MAP3K5: variants seen among roughly 807,000 people sequenced by gnomAD.
MAP3K5 encodes ASK-1.
MAP3K5 carries 56 observed loss-of-function variants against 158.7 expected under a neutral mutation model. That is an observed-to-expected ratio of 0.35 (90% CI 0.28 to 0.44). MAP3K5 has a LOEUF of 0.44. Among genes scored for constraint, MAP3K5 ranks in the 20% least tolerant of loss-of-function variants. The probability of loss-of-function intolerance (pLI) is 1.00; values close to 1 mark genes in which losing one functional copy is unlikely to be tolerated. For synonymous variants in MAP3K5, 579 were observed against 601.7 expected, an observed-to-expected ratio of 0.96 and a Z score of 0.55; for missense variants, 1,294 against 1,674.8, an observed-to-expected ratio of 0.77 and a Z score of 3.97.
chr6:136,769,120 T>C lies in MAP3K5; in HGVS notation c.448+22590A>G, dbSNP rs1397834949. ...ATCCAAAGGTCCATCAGCTGATGAA[T>C]GGATAAACAAAAGGTGTTCAAGCAC... On this transcript the variant is annotated intron_variant, in intron 1 of 29. Coordinates refer to ENST00000359015, the MANE Select transcript of MAP3K5 (RefSeq NM_005923.4). 2.0e-5 allele frequency among the ~76,000 whole-genome samples: 3 copies of C among 152,244 alleles called. No individual in the cohort carries two copies. In the East Asian group the frequency reaches 5.8e-4, roughly 29 times the overall value.
At chr6:136,589,237 C>T (rs1378870412) in intron 23 of MAP3K5, among the ~76,000 whole-genome samples, 1 of 152,190 alleles carries the variant, frequency 6.6e-6, no homozygotes, top group African/African-American at 2.4e-5. Context: ...CTAGCCCCAA[C>T]CTTTTTTTGC....
chr6:136,575,765 T>A (rs1774588718), intron 25 of MAP3K5, among the ~76,000 whole-genome samples: 1 of 152,202 alleles, frequency 6.6e-6, no homozygotes, highest in Admixed American at 6.5e-5. Flanking sequence ...TCTCAGGGCA[T>A]CCTATCAGGA....
rs1451583810 is a variant in MAP3K5 at position 136,791,955 on chromosome 6, G to A, written c.203C>T (p.Pro68Leu). The change falls in exon 1 of 30, where the codon CCG becomes CTG. Residue 68 changes from proline to leucine, a missense_variant. By Grantham distance (98) the Pro-to-Leu change is moderately conservative. Coordinates refer to ENST00000359015, the MANE Select transcript of MAP3K5 (RefSeq NM_005923.4). ...GGCACTGCTCGAGGAGGTGGCCGCC[G>A]GACAACCGATGCCAGGGGCAGCGGC... ...ESAAAPGIGC[P>L]AATSSSSATR... 1.9e-6 allele frequency: 3 copies of A among 1,610,470 alleles called. No individual in the cohort carries two copies. The highest frequency in any genetic ancestry group is 2.7e-5 in the African/African-American group (2 of 74,750).
intron 1 of MAP3K5, among the ~76,000 whole-genome samples, chr6:136,775,337 C>T (rs1455896568): frequency 6.6e-6 from 1 of 152,084 alleles, no homozygotes; most frequent in African/African-American, 2.4e-5. Flanking sequence ...GGGACAATGA[C>T]AAGTCTTGAA....
chr6:136,722,179 G>T (rs940788360), intron 1 of MAP3K5, among the ~76,000 whole-genome samples: 1 of 152,072 alleles, frequency 6.6e-6, no homozygotes, highest in African/African-American at 2.4e-5. Context: ...GCTATTAGAA[G>T]TAATAATACA....
intron 1 of MAP3K5, among the ~76,000 whole-genome samples, chr6:136,734,625 A>T (rs1782376767): frequency 6.6e-6 from 1 of 152,160 alleles, no homozygotes; most frequent in Admixed American, 6.5e-5. Context: ...TAATAAATCT[A>T]TTTTAATTAG....
chr6:136,573,272 C>T (rs761204543), intron 25 of MAP3K5, among the ~76,000 whole-genome samples: 3 of 152,210 alleles, frequency 2.0e-5, no homozygotes, highest in Non-Finnish European at 4.4e-5. Context: ...TCCACCTTCT[C>T]CCGCTCTTGG....
At chr6:136,669,148 A>AAT in intron 8 of MAP3K5, 135 bp downstream of exon 8, 1 of 687,990 alleles carries the variant, frequency 1.5e-6, no homozygotes, top group South Asian at 1.6e-5. Flanking sequence ...AAGGAGATAT[A>AAT]ATAAGTTTCT....
At position 136,594,297 on chromosome 6, in the gene MAP3K5, G is replaced by A. The variant is rs183670738; in HGVS notation, c.2879-1683C>T. ...GGTGACCTCTTCCTTGCTGGTAATA[G>A]TAAGGTTGTCTGAGAGAAGAAAGGT... On this transcript the variant is annotated intron_variant, in intron 21 of 29. Coordinates refer to ENST00000359015, the MANE Select transcript of MAP3K5 (RefSeq NM_005923.4). 1.5e-4 allele frequency among the ~76,000 whole-genome samples: 23 copies of A among 152,304 alleles called. No homozygotes were observed. The East Asian group carries it at 3.9e-3, about 26-fold the overall frequency.
chr6:136,649,406 A>G (rs1365682393), intron 11 of MAP3K5, among the ~76,000 whole-genome samples: 1 of 152,230 alleles, frequency 6.6e-6, no homozygotes, highest in Non-Finnish European at 1.5e-5. Context: ...TTGAGCTACT[A>G]CAATTGAGTA....
intron 23 of MAP3K5, among the ~76,000 whole-genome samples, chr6:136,585,955 C>T (rs1775120985): frequency 6.6e-6 from 1 of 152,000 alleles, no homozygotes; most frequent in Non-Finnish European, 1.5e-5. Flanking sequence ...ATTAAAATTC[C>T]TCCACTGGGC....
chr6:136,584,561 A>G (rs1775030982), intron 23 of MAP3K5: 1 of 152,284 alleles, frequency 6.6e-6, no homozygotes. Context: ...CATTATCACA[A>G]GAACAGCACA....
chr6:136,646,569 G>A (rs1161006015), intron 11 of MAP3K5, among the ~76,000 whole-genome samples: 2 of 152,008 alleles, frequency 1.3e-5, no homozygotes, highest in African/African-American at 2.4e-5. Flanking sequence ...CTTGCTAATC[G>A]CTAATTCCTC....
rs968520493 is a variant in MAP3K5 at position 136,688,760 on chromosome 6, T to A, written c.1253+5380A>T. ...GAAAAACACTTCTATTTTATCCTTG[T>A]ACACAATGCATTCTAACTTCATAGG... On this transcript the variant is annotated intron_variant, in intron 7 of 29. Coordinates refer to ENST00000359015, the MANE Select transcript of MAP3K5 (RefSeq NM_005923.4). 2.0e-5 allele frequency among the ~76,000 whole-genome samples: 3 copies of A among 152,362 alleles called. No individual in the cohort carries two copies. In the East Asian group the frequency reaches 5.8e-4, roughly 29 times the overall value.
In MAP3K5 at chr6:136,791,995, A is replaced by G; in HGVS notation, c.163T>C (p.Trp55Arg). 6.2e-7 allele frequency: 1 copy of G among 1,601,806 alleles called. No individual in the cohort carries two copies. Among genetic ancestry groups the G allele is most frequent in the Non-Finnish European group, 8.5e-7 (1 of 1,175,996 alleles). The part of the protein sequence containing the change: ...QLPPPPPGSF[W>R]NVESAAAPGI... ...GGGGCAGCGGCGCTCTCCACGTTCC[A>G]GAAGCTGCCCGGCGGCGGCGGTGGC... Residue 55 changes from tryptophan to arginine, a missense_variant, in exon 1 of 30, where the codon TGG becomes CGG. Coordinates refer to ENST00000359015, the MANE Select transcript of MAP3K5 (RefSeq NM_005923.4).
intron 7 of MAP3K5, among the ~76,000 whole-genome samples, chr6:136,670,829 C>G (rs973069416): frequency 2.0e-5 from 3 of 151,976 alleles, no homozygotes; most frequent in African/African-American, 7.2e-5. Context: ...TAGTTATGTA[C>G]CTATGGAATA....
chr6:136,640,678 T>G (rs1777885373), intron 12 of MAP3K5, among the ~76,000 whole-genome samples: 1 of 152,156 alleles, frequency 6.6e-6, no homozygotes, highest in Non-Finnish European at 1.5e-5. Context: ...AAGAGAGGAG[T>G]TGATGTCTTA....
rs569162714 is a variant in MAP3K5, at chr6:136,709,630, T to C, written c.589-4497A>G. Among the ~76,000 whole-genome samples, 3 of 152,358 alleles carry C rather than the reference T, an allele frequency of 2.0e-5. No individual in the cohort carries two copies. The East Asian group carries it at 5.8e-4, about 29-fold the overall frequency. ...AAGCAAATGGCCACTACTGGCTTAG[T>C]GCCAATATGCTATATCTTCCTTATG... On this transcript the variant is annotated intron_variant, in intron 2 of 29. Coordinates refer to ENST00000359015, the MANE Select transcript of MAP3K5 (RefSeq NM_005923.4).
chr6:136,681,880 T>C (rs1035751997), intron 7 of MAP3K5, among the ~76,000 whole-genome samples: 3 of 151,814 alleles, frequency 2.0e-5, no homozygotes, highest in East Asian at 3.9e-4. Context: ...GATCGTGCCA[T>C]TGCACTCCAG....
Sources: allele counts gnomAD v4.1 joint callset (sites outside exome capture counted in the v4.1 genomes callset), GRCh38; gene constraint gnomAD v4.1.1; transcripts MANE v1.5; gene names NCBI Gene and HGNC (gene_info 2026-07-23, HGNC 2026-07-21).